Variants in WWOX observed in about 807,000 individuals in gnomAD.
The protein encoded by WWOX is WW domain-containing oxidoreductase.
Under a neutral mutation model 46.2 loss-of-function variants are expected in WWOX, and 69 were observed. The ratio of observed to expected loss-of-function variants is 1.49; its 90% confidence interval spans 1.23 to 1.82. The LOEUF is 1.82. WWOX is among the 40% of genes most tolerant of loss of function. The pLI, the probability that WWOX is intolerant of heterozygous loss-of-function variation, is 0.00. For missense variants in WWOX, 919 were observed against 542.6 expected (o/e 1.69, Z -6.89); for synonymous variants, 359 against 202.6 (o/e 1.77, Z -6.56).
intron 8 of WWOX, among the ~76,000 whole-genome samples, chr16:78,805,504 C>A (rs1043705019): frequency 1.3e-5 from 2 of 151,778 alleles, no homozygotes; most frequent in Non-Finnish European, 2.9e-5. Flanking sequence ...AGGATGGTCT[C>A]GATTTCCTGA....
At chr16:79,190,565 C>A (rs1198804637) in intron 8 of WWOX, among the ~76,000 whole-genome samples, 3 of 152,162 alleles carry the variant, frequency 2.0e-5, no homozygotes, top group Admixed American at 6.5e-5. Context: ...ATTAAACTGG[C>A]ACGACAGTTC....
intron 8 of WWOX, among the ~76,000 whole-genome samples, chr16:78,706,441 T>G (rs1212323999): frequency 6.6e-6 from 1 of 152,130 alleles, no homozygotes; most frequent in East Asian, 1.9e-4. Flanking sequence ...GATTTCTTTC[T>G]GTAATCAAGA....
intron 6 of WWOX, among the ~76,000 whole-genome samples, chr16:78,398,839 C>A (rs1301605152): frequency 6.6e-6 from 1 of 152,162 alleles, no homozygotes; most frequent in African/African-American, 2.4e-5. Flanking sequence ...AAGCGTAGTA[C>A]CTGATACTTA....
intron 8 of WWOX, among the ~76,000 whole-genome samples, chr16:78,852,155 C>T (rs2151181497): frequency 6.6e-6 from 1 of 152,278 alleles, no homozygotes; most frequent in East Asian, 1.9e-4. Flanking sequence ...TACTTAAGAG[C>T]ATGGCACTGT....
In WWOX at chr16:79,026,882, G is replaced by T. The variant is rs183321779; in HGVS notation, c.1057-184726G>T. Among the ~76,000 whole-genome samples, 1,221 of 150,316 alleles carry T rather than the reference G, an allele frequency of 8.1e-3. 10 individuals are homozygous for T. The highest frequency in any genetic ancestry group is 0.019 in the South Asian group (91 of 4,790). On this transcript the variant is annotated intron_variant, in intron 8 of 8. Transcript: ENST00000566780. ...CTGACCTTGTGATCTGCCCACCTCA[G>T]CCTCCCAAAGTGCTGGGATTACAGG...
chr16:78,447,079 G>A (rs2083578033), intron 8 of WWOX, among the ~76,000 whole-genome samples: 1 of 152,150 alleles, frequency 6.6e-6, no homozygotes, highest in Admixed American at 6.6e-5. Flanking sequence ...GTGCCTTTCA[G>A]AAGTAAGGTT....
At chr16:78,901,585 T>A (rs1384860978) in intron 8 of WWOX, among the ~76,000 whole-genome samples, 1 of 152,166 alleles carries the variant, frequency 6.6e-6, no homozygotes, top group Non-Finnish European at 1.5e-5. Flanking sequence ...CTTCCCAGAC[T>A]CAAGTCATCC....
chr16:78,320,928 G>T (rs541813646), intron 5 of WWOX, among the ~76,000 whole-genome samples: 6 of 152,294 alleles, frequency 3.9e-5, no homozygotes, highest in East Asian at 3.9e-4. Flanking sequence ...TTGGGCGCCA[G>T]ACTGCACAGG....
At chr16:78,921,805 C>T (rs2045385959) in intron 8 of WWOX, among the ~76,000 whole-genome samples, 1 of 152,146 alleles carries the variant, frequency 6.6e-6, no homozygotes, top group Admixed American at 6.5e-5. Flanking sequence ...ACTCTGACAC[C>T]CACTGCAAGT....
At chr16:78,856,784 C>T (rs372654541) in intron 8 of WWOX, among the ~76,000 whole-genome samples, 4 of 152,292 alleles carry the variant, frequency 2.6e-5, no homozygotes, top group South Asian at 2.1e-4. Flanking sequence ...CGAACATACA[C>T]ATTTACATAT....
intron 5 of WWOX, among the ~76,000 whole-genome samples, chr16:78,196,855 G>T (rs1020864136): frequency 6.6e-6 from 1 of 152,188 alleles, no homozygotes; most frequent in East Asian, 1.9e-4. Context: ...CAAAAGTCAT[G>T]GTAAGATCCA....
chr16:78,986,179 A>G (rs1041861432), intron 8 of WWOX, among the ~76,000 whole-genome samples: 1 of 152,220 alleles, frequency 6.6e-6, no homozygotes, highest in African/African-American at 2.4e-5. Flanking sequence ...GAGATGAGTC[A>G]CACATTTATA....
intron 8 of WWOX, among the ~76,000 whole-genome samples, chr16:78,517,731 T>C (rs1165648863): frequency 2.6e-5 from 4 of 151,796 alleles, no homozygotes; most frequent in African/African-American, 9.7e-5. Context: ...GGTCTTAAAC[T>C]AAACACATGT....
intron 8 of WWOX, among the ~76,000 whole-genome samples, chr16:79,097,642 G>C (rs61003938): frequency 0.015 from 2,334 of 152,238 alleles, 40 homozygotes; most frequent in African/African-American, 0.041. Flanking sequence ...TACTCCAAAG[G>C]GGGTTAGGTT....
At chr16:78,804,067 C>T (rs568500452) in intron 8 of WWOX, among the ~76,000 whole-genome samples, 2 of 152,150 alleles carry the variant, frequency 1.3e-5, no homozygotes, top group African/African-American at 2.4e-5. Flanking sequence ...TGACTTCCCT[C>T]TCCTTCATTC....
chr16:79,056,512 G>T (rs1360637112), intron 8 of WWOX, among the ~76,000 whole-genome samples: 1 of 152,144 alleles, frequency 6.6e-6, no homozygotes, highest in Non-Finnish European at 1.5e-5. Context: ...TGAGTACAGG[G>T]TTTCTCAAGC....
At chr16:79,102,060 G>T (rs1328726342) in intron 8 of WWOX, among the ~76,000 whole-genome samples, 2 of 128,412 alleles carry the variant, frequency 1.6e-5, no homozygotes, top group African/African-American at 5.8e-5. Context: ...GAGTAGGGGG[G>T]AGGGGGGGAG....
chr16:78,719,434 C>T (rs749234443), intron 8 of WWOX, among the ~76,000 whole-genome samples: 35 of 152,192 alleles, frequency 2.3e-4, no homozygotes, highest in Non-Finnish European at 4.4e-4. Flanking sequence ...TGCACAATTT[C>T]GGGTGGACTG....
chr16:78,561,336 C>T (rs143139041), intron 8 of WWOX, among the ~76,000 whole-genome samples: 2 of 152,132 alleles, frequency 1.3e-5, no homozygotes, highest in East Asian at 3.9e-4. Context: ...ATGTAGTTCC[C>T]TCCTGCTTTG....
Sources: gnomAD v4.1 joint callset for allele counts (sites outside exome capture counted in the v4.1 genomes callset) on GRCh38, gnomAD v4.1.1 for gene constraint, MANE v1.5 for transcripts, NCBI Gene and HGNC (gene_info 2026-07-23, HGNC 2026-07-21) for gene names.